The following AMBRA1 variants were observed in gnomAD, a reference collection of about 807,000 sequenced individuals.
AMBRA1 encodes the protein autophagy and beclin 1 regulator 1, also known as activating molecule in BECN1-regulated autophagy protein 1.
In AMBRA1, 47 loss-of-function variants were observed where a neutral mutation model predicts 125.4. The ratio of observed to expected loss-of-function variants is 0.37; its 90% CI spans 0.30 to 0.48. AMBRA1 has a LOEUF of 0.48. Ranked by LOEUF, AMBRA1 falls within the 20% of genes least tolerant of loss-of-function variation. The probability of loss-of-function intolerance (pLI) is 0.99; values close to 1 mark genes in which losing one functional copy is unlikely to be tolerated. For synonymous variants in AMBRA1, 626 were observed against 655.5 expected (o/e 0.95, Z 0.69); for missense variants, 1,331 against 1,693.4 (o/e 0.79, Z 3.76).
chr11:46,432,998 G>C (rs1228499282), intron 14 of AMBRA1, among the ~76,000 whole-genome samples: 1 of 152,106 alleles, frequency 6.6e-6, no homozygotes, highest in Non-Finnish European at 1.5e-5. Flanking sequence ...TTCTCCACTG[G>C]TGAAATGAAT....
chr11:46,536,328 T>C (rs1412253432), intron 7 of AMBRA1, among the ~76,000 whole-genome samples: 1 of 152,096 alleles, frequency 6.6e-6, no homozygotes, highest in Non-Finnish European at 1.5e-5. Context: ...GGGTGCAATA[T>C]CACAAAGAAG....
At chr11:46,512,102 C>A (rs1184242070) in intron 8 of AMBRA1, among the ~76,000 whole-genome samples, 1 of 152,158 alleles carries the variant, frequency 6.6e-6, no homozygotes, top group South Asian at 2.1e-4. Context: ...GTGATTTGCC[C>A]GCCTCAGCCT....
intron 11 of AMBRA1, among the ~76,000 whole-genome samples, chr11:46,444,720 G>GT (rs1253957656): frequency 2.0e-5 from 3 of 152,098 alleles, no homozygotes; most frequent in Admixed American, 1.3e-4. Flanking sequence ...GTGAACTGTA[G>GT]TTTTTTTCTT....
At chr11:46,548,218 C>T in intron 2 of AMBRA1, 28 bp downstream of exon 2, 1 of 1,613,848 alleles carries the variant, frequency 6.2e-7, no homozygotes, top group Non-Finnish European at 8.5e-7. Flanking sequence ...AGCACAAATC[C>T]TATGTGAAAT....
chr11:46,497,970 G>A (rs1428208839), intron 9 of AMBRA1, among the ~76,000 whole-genome samples: 1 of 152,128 alleles, frequency 6.6e-6, no homozygotes, highest in Admixed American at 6.5e-5. Flanking sequence ...AAGAGCACAG[G>A]AATTAAAAGT....
At chr11:46,573,887 T>G (rs2043860982) in intron 1 of AMBRA1, among the ~76,000 whole-genome samples, 1 of 138,372 alleles carries the variant, frequency 7.2e-6, no homozygotes, top group African/African-American at 2.7e-5. Context: ...CATTGTTCAA[T>G]TCCCACCTAT....
At chr11:46,537,121 A>G (rs1349651583) in intron 7 of AMBRA1, among the ~76,000 whole-genome samples, 1 of 152,254 alleles carries the variant, frequency 6.6e-6, no homozygotes, top group Admixed American at 6.5e-5. Flanking sequence ...TAACTAAAAC[A>G]GCATTTCTCC....
chr11:46,554,288 A>T (rs2043102408), intron 1 of AMBRA1, among the ~76,000 whole-genome samples: 3 of 152,308 alleles, frequency 2.0e-5, no homozygotes, highest in Middle Eastern at 6.8e-3. Context: ...AAAATAAAAA[A>T]AACCGACCTT....
intron 17 of AMBRA1, among the ~76,000 whole-genome samples, chr11:46,400,431 T>C (rs1397946372): frequency 6.6e-6 from 1 of 150,750 alleles, no homozygotes; most frequent in African/African-American, 2.4e-5. Flanking sequence ...CTCACCCTTC[T>C]TGTTGGTACT....
intron 1 of AMBRA1, among the ~76,000 whole-genome samples, chr11:46,551,049 A>G (rs1186943462): frequency 6.7e-6 from 1 of 149,444 alleles, no homozygotes; most frequent in Non-Finnish European, 1.5e-5. Flanking sequence ...GTGAGCCAAG[A>G]TCGCGCCACT....
chr11:46,543,635 C>A (rs1952859329), intron 6 of AMBRA1, among the ~76,000 whole-genome samples: 1 of 152,150 alleles, frequency 6.6e-6, no homozygotes, highest in Non-Finnish European at 1.5e-5. Flanking sequence ...GCTGACAAAC[C>A]AATTGTCTTA....
At chr11:46,489,701 C>T (rs771033840) in intron 11 of AMBRA1, among the ~76,000 whole-genome samples, 5 of 152,214 alleles carry the variant, frequency 3.3e-5, no homozygotes, top group African/African-American at 4.8e-5. Flanking sequence ...GCTAATACCC[C>T]ACATTACCCA....
In AMBRA1 at chr11:46,580,271, C is replaced by T. The variant is rs375268432; in HGVS notation, c.-121+13557G>A. 1.4e-3 allele frequency among the ~76,000 whole-genome samples: 211 copies of T among 152,290 alleles called. 5 individuals carry two copies. In the South Asian group the frequency reaches 0.042, roughly 30 times the overall value. On this transcript the variant is annotated intron_variant, in intron 1 of 17. Transcript: ENST00000683756. ...CTTGGAGTGTGGTCTTCTCCTCCTA[C>T]TCTATACTTGTTCTCTAGGAGATCT... is the stretch of plus-strand genomic sequence containing the variant.
chr11:46,560,514 T>C (rs946451132), intron 1 of AMBRA1, among the ~76,000 whole-genome samples: 14 of 152,058 alleles, frequency 9.2e-5, no homozygotes, highest in Non-Finnish European at 1.5e-4. Flanking sequence ...AAACCGGAAA[T>C]AGAAAGCAAT....
chr11:46,494,201 G>C lies in AMBRA1; in HGVS notation c.2343C>G (p.Asp781Glu), dbSNP rs768971927. The change falls in exon 10 of 18, where the codon GAC (aspartate) becomes GAG (glutamate). Residue 781 changes from aspartate to glutamate, a missense_variant. Transcript: ENST00000683756. ...GTDLEFEDFE[D>E]NGDRSRHRAP... ...CTCGGTGCCTGGATCTGTCACCATT[G>C]TCCCTGAAAAAAATAAAAACACTAC... The C allele has an allele frequency of 2.5e-6, 4 of 1,597,248 alleles. No homozygotes were observed. The Admixed American group carries it at 5.1e-5, about 21-fold the overall frequency.
chr11:46,407,059 A>G (rs1022042205), intron 17 of AMBRA1, among the ~76,000 whole-genome samples: 1 of 152,134 alleles, frequency 6.6e-6, no homozygotes, highest in Non-Finnish European at 1.5e-5. Flanking sequence ...CATGCCTGTA[A>G]TCCCAGCTAC....
At chr11:46,551,430 A>G (rs994391431) in intron 1 of AMBRA1, among the ~76,000 whole-genome samples, 12 of 152,272 alleles carry the variant, frequency 7.9e-5, no homozygotes, top group African/African-American at 2.9e-4. Context: ...CTCCTGCCTC[A>G]GCCTCCAGAG....
intron 13 of AMBRA1, among the ~76,000 whole-genome samples, chr11:46,434,458 T>C (rs1239019337): frequency 1.4e-5 from 2 of 147,874 alleles, no homozygotes; most frequent in African/African-American, 5.0e-5. Context: ...TTCTGTATGG[T>C]AACACTGCTG....
chr11:46,462,327 C>G (rs1276277970), intron 11 of AMBRA1, among the ~76,000 whole-genome samples: 1 of 152,160 alleles, frequency 6.6e-6, no homozygotes, highest in East Asian at 1.9e-4. Flanking sequence ...TATGGGAAAC[C>G]AGGAAATAAT....
Sources: allele counts gnomAD v4.1 joint callset (sites outside exome capture counted in the v4.1 genomes callset), GRCh38; gene constraint gnomAD v4.1.1; transcripts MANE v1.5; gene names NCBI Gene and HGNC (gene_info 2026-07-23, HGNC 2026-07-21).